The following CDC42BPB variants were observed in gnomAD, a reference collection of about 807,000 sequenced individuals.
CDC42BPB encodes serine/threonine-protein kinase MRCK beta.
Under a neutral mutation model 214.9 loss-of-function variants are expected in CDC42BPB, and 37 were observed. The ratio of observed to expected loss-of-function variants is 0.17; its 90% CI spans 0.13 to 0.23. The LOEUF is 0.23. Ranked by LOEUF, CDC42BPB falls within the 10% of genes least tolerant of loss-of-function variation. The pLI, the probability that CDC42BPB is intolerant of heterozygous loss-of-function variation, is 1.00. For synonymous variants in CDC42BPB, 931 were observed against 884.0 expected (o/e 1.05, Z -0.94); for missense variants, 1,694 against 2,227.0 (o/e 0.76, Z 4.82).
chr14:103,042,810 T>C (rs1410313333), intron 1 of CDC42BPB, among the ~76,000 whole-genome samples: 1 of 152,130 alleles, frequency 6.6e-6, no homozygotes, highest in South Asian at 2.1e-4. Context: ...GCGGAGAAAC[T>C]GGAACCCTTG....
At chr14:103,034,936 A>AT (rs1348052242) in intron 1 of CDC42BPB, among the ~76,000 whole-genome samples, 1 of 152,162 alleles carries the variant, frequency 6.6e-6, no homozygotes, top group Non-Finnish European at 1.5e-5. Flanking sequence ...AGTTTTATTT[A>AT]TATTACAAAC....
At chr14:103,026,053 A>T (rs963239253) in intron 1 of CDC42BPB, among the ~76,000 whole-genome samples, 6 of 152,158 alleles carry the variant, frequency 3.9e-5, no homozygotes, top group Non-Finnish European at 8.8e-5. Context: ...ATACAAAAAA[A>T]TTAACTCAAA....
At chr14:102,984,915 A>C (rs1894167155) in intron 6 of CDC42BPB, among the ~76,000 whole-genome samples, 1 of 152,252 alleles carries the variant, frequency 6.6e-6, no homozygotes, top group Non-Finnish European at 1.5e-5. Flanking sequence ...AGCCCACAGG[A>C]GCTCCTACAG....
At chr14:102,973,002 ACT>A in intron 12 of CDC42BPB, among the ~76,000 whole-genome samples, 1 of 152,212 alleles carries the variant, frequency 6.6e-6, no homozygotes, top group East Asian at 1.9e-4. Context: ...ACTGGCTGTC[ACT>A]CTGCACTCAC....
intron 1 of CDC42BPB, among the ~76,000 whole-genome samples, chr14:103,042,590 G>A (rs1447820398): frequency 6.6e-6 from 1 of 152,180 alleles, no homozygotes; most frequent in Non-Finnish European, 1.5e-5. Context: ...GATTACAGGC[G>A]TGAGCCACTA....
At position 102,945,707 on chromosome 14, in the gene CDC42BPB, C is replaced by A. The variant is rs1306608589; in HGVS notation, c.3766G>T (p.Val1256Phe). 2 of 1,612,834 alleles carry A rather than the reference C, an allele frequency of 1.2e-6. No individual in the cohort carries two copies. Among genetic ancestry groups the A allele is most frequent in the African/African-American group, 1.3e-5 (1 of 74,936 alleles). Residue 1256 changes from valine (V) to phenylalanine (F), a missense_variant, in exon 29 of 37, where the codon GTC becomes TTC. Physicochemically the swap from Val to Phe is conservative, Grantham distance 50. This residue lies in a region of CDC42BPB where 567 missense variants were observed against 790.3 expected (regional missense o/e 0.72). Transcript: ENST00000361246. The part of the protein sequence containing the change: ...AAIVDADRIA[V>F]GLEEGLYVIE... ...ACATAGAGCCCTTCTTCTAGGCCGACTGCAATCCTGTCTGCATCTGTGGAG... is the reference window on the plus strand; with the variant it reads ...ACATAGAGCCCTTCTTCTAGGCCGAATGCAATCCTGTCTGCATCTGTGGAG...
rs577609008 is a variant in CDC42BPB at position 102,944,635 on chromosome 14, G to A, written c.3812-148C>T. 336 of 1,444,904 alleles carry A rather than the reference G, an allele frequency of 2.3e-4. 2 individuals are homozygous for A. The South Asian group carries it at 4.8e-3, about 21-fold the overall frequency. The allele number at this position is 1,444,904 out of a possible 1,614,324, so 89.5% of individuals were successfully genotyped here. A position where few individuals can be genotyped will look rare whatever the true frequency, so the allele number is the denominator to read the frequency against. On this transcript the variant is annotated intron_variant, in intron 29 of 36. Transcript: ENST00000361246. This position sits in a 1 kb window ranked among gnomAD's most constrained non-coding sequence, Gnocchi z 6.6. ...GTGCACAGCCTGAGCCCGGCCCTGAGCCCGTCTCTGCCCACAGAGCCAGTG... is the reference window on the plus strand; with the variant it reads ...GTGCACAGCCTGAGCCCGGCCCTGAACCCGTCTCTGCCCACAGAGCCAGTG...
chr14:102,960,215 A>G (rs1347028461), intron 20 of CDC42BPB, among the ~76,000 whole-genome samples: 1 of 152,084 alleles, frequency 6.6e-6, no homozygotes, highest in Non-Finnish European at 1.5e-5. Flanking sequence ...AAAAAAAAAC[A>G]AAAACAAAAA....
intron 1 of CDC42BPB, among the ~76,000 whole-genome samples, chr14:103,038,689 G>A (rs1348428644): frequency 9.0e-6 from 1 of 110,520 alleles, no homozygotes; most frequent in Non-Finnish European, 1.7e-5. Context: ...ACCATGCCCA[G>A]CTAATTTTTC....
Position 103,019,272 on chromosome 14 carries a change from C to T in CDC42BPB, c.176-7084G>A, listed in dbSNP as rs150745665. 9.0e-3 allele frequency among the ~76,000 whole-genome samples: 1,367 copies of T among 152,324 alleles called. 22 individuals carry two copies. The highest frequency in any genetic ancestry group is 0.031 in the African/African-American group (1,281 of 41,572). The stretch of plus-strand genomic sequence containing the variant: ...CTAAGGCCCTAGAGACACGGCCGCC[C>T]TGCAGCTCAGAAGCTGGGCCAGGCT... On this transcript the variant is annotated intron_variant, in intron 1 of 36. Coordinates refer to ENST00000361246, the MANE Select transcript of CDC42BPB (RefSeq NM_006035.4).
chr14:102,983,140 A>AAC (rs2139524713), intron 7 of CDC42BPB, among the ~76,000 whole-genome samples: 1 of 152,254 alleles, frequency 6.6e-6, no homozygotes, highest in African/African-American at 2.4e-5. Flanking sequence ...GCACCTAACC[A>AAC]GTGAATCTAG....
At chr14:103,045,273 A>G (rs530501719) in intron 1 of CDC42BPB, among the ~76,000 whole-genome samples, 4 of 152,270 alleles carry the variant, frequency 2.6e-5, no homozygotes, top group East Asian at 1.9e-4. Context: ...AGGGGCAAGA[A>G]TATTTCTTAT....
rs1892183424 is a variant in CDC42BPB at position 102,946,499 on chromosome 14, G to A, written c.3717C>T (p.Leu1239=). Residue 1239 remains leucine, a synonymous_variant, in exon 28 of 37, where the codon CTC becomes CTT. Coordinates refer to ENST00000361246, the MANE Select transcript of CDC42BPB (RefSeq NM_006035.4). ...TGGCAGCTGTCAGGATGGCCTTGATGAGAGGCAGCGAGCTGTCGTAGGCTT... is the reference window on the plus strand; with the variant it reads ...TGGCAGCTGTCAGGATGGCCTTGATAAGAGGCAGCGAGCTGTCGTAGGCTT... The part of the protein sequence containing the change: ...PLEAYDSSLP[L]IKAILTAAIV... The A allele has an allele frequency of 2.5e-6, 4 of 1,612,658 alleles. No individual in the cohort carries two copies. Among genetic ancestry groups the A allele is most frequent in the Non-Finnish European group, 3.4e-6 (4 of 1,179,962 alleles).
At chr14:103,016,487 G>A (rs537032906) in intron 1 of CDC42BPB, among the ~76,000 whole-genome samples, 1 of 147,376 alleles carries the variant, frequency 6.8e-6, no homozygotes, top group Non-Finnish European at 1.5e-5. Flanking sequence ...GTGAGGGGAG[G>A]GAACCAGGTG....
Position 102,933,744 on chromosome 14 carries a change from C to T in CDC42BPB, c.5104G>A (p.Glu1702Lys), listed in dbSNP as rs758823144. 6 of 1,490,914 alleles carry T rather than the reference C, an allele frequency of 4.0e-6. No homozygotes were observed. Among genetic ancestry groups the T allele is most frequent in the African/African-American group, 1.5e-5 (1 of 67,692 alleles). 92.4% of individuals were successfully genotyped at this position (1,490,914 alleles called of 1,614,324 possible). ...NSPHRSQLPL[E>K]GLEQPACDT ...TCACAGGCCGGCTGCTCCAGGCCTT[C>T]GAGGGGGAGCTGGCTCCTGTGGGGG... is the stretch of plus-strand genomic sequence containing the variant. Residue 1702 changes from glutamate to lysine, a missense_variant, in exon 37 of 37, where the codon GAA becomes AAA. Glu to Lys is a moderately conservative substitution (Grantham distance 56). Coordinates refer to ENST00000361246, the MANE Select transcript of CDC42BPB (RefSeq NM_006035.4).
At chr14:102,999,436 G>A (rs1387875307) in intron 5 of CDC42BPB, 129 bp downstream of exon 5, 1 of 808,818 alleles carries the variant, frequency 1.2e-6, no homozygotes, top group Admixed American at 2.1e-5. Context: ...ATCAGTCTGT[G>A]CTGCGGCAGC....
intron 1 of CDC42BPB, among the ~76,000 whole-genome samples, chr14:103,015,250 T>C (rs1241792087): frequency 6.6e-6 from 1 of 152,154 alleles, no homozygotes; most frequent in Non-Finnish European, 1.5e-5. Flanking sequence ...AGGAAAAGCC[T>C]AAGAAAAACA....
At chr14:102,978,739 C>T (rs1038281529) in intron 8 of CDC42BPB, among the ~76,000 whole-genome samples, 1 of 152,354 alleles carries the variant, frequency 6.6e-6, no homozygotes, top group East Asian at 1.9e-4. Flanking sequence ...GGCACAGTGG[C>T]TCACGCCTGT....
chr14:102,995,311 A>C (rs2139576266), intron 5 of CDC42BPB, among the ~76,000 whole-genome samples: 1 of 152,194 alleles, frequency 6.6e-6, no homozygotes, highest in Middle Eastern at 3.4e-3. Context: ...AGCAGCTGGG[A>C]GTACAGGTGC....
Sources: allele counts gnomAD v4.1 joint callset (sites outside exome capture counted in the v4.1 genomes callset), GRCh38; gene constraint gnomAD v4.1.1; regional missense constraint gnomAD v4.1.1; non-coding constraint Gnocchi (gnomAD v3.1); transcripts MANE v1.5; gene names NCBI Gene and HGNC (gene_info 2026-07-23, HGNC 2026-07-21).